Variants in TMED10 observed in about 807,000 individuals in gnomAD.
TMED10 encodes the protein transmembrane emp24 domain-containing protein 10.
In TMED10, 7 loss-of-function variants were observed where a neutral mutation model predicts 23.1. The ratio of observed to expected loss-of-function variants is 0.30; its 90% CI spans 0.17 to 0.57. The LOEUF is 0.57. TMED10 is among the 20% of genes least tolerant of loss of function. The probability of loss-of-function intolerance (pLI) is 0.91; values close to 1 mark genes in which losing one functional copy is unlikely to be tolerated. For missense variants in TMED10, 162 were observed against 274.8 expected (o/e 0.59, Z 2.90); for synonymous variants, 113 against 106.9 (o/e 1.06, Z -0.35).
In TMED10 at chr14:75,132,141, A is replaced by C. The variant is rs555056640; in HGVS notation, c.*2744T>G. On this transcript the variant is annotated 3_prime_UTR_variant, in exon 5 of 5. Coordinates refer to ENST00000303575, the MANE Select transcript of TMED10 (RefSeq NM_006827.6). ...GGTGGCTCACGCGTGTAATCCCAGC[A>C]CTTTGGGAGGCTGAGGCAGGCAGAT... The C allele has an allele frequency of 6.6e-6, 1 of 152,460 alleles. No homozygotes were observed. The highest frequency in any genetic ancestry group is 1.9e-4 in the East Asian group (1 of 5,186). 9.4% of individuals were successfully genotyped at this position (152,460 alleles called of 1,614,324 possible).
intron 2 of TMED10, among the ~76,000 whole-genome samples, chr14:75,148,086 C>G (rs899819084): frequency 6.6e-5 from 10 of 151,950 alleles, no homozygotes; most frequent in African/African-American, 2.2e-4. Context: ...ACTCAAAAAT[C>G]AAAACAGTGT....
At chr14:75,167,803 C>T (rs141258649) in intron 1 of TMED10, among the ~76,000 whole-genome samples, 64 of 152,166 alleles carry the variant, frequency 4.2e-4, no homozygotes, top group African/African-American at 1.4e-3. Flanking sequence ...TATGATCATG[C>T]CACTGCACTC....
chr14:75,135,696 T>G, intron 4 of TMED10, 64 bp downstream of exon 4: 1 of 1,584,734 alleles, frequency 6.3e-7, no homozygotes, highest in Admixed American at 1.9e-5. Flanking sequence ...ACACCAGAAT[T>G]GAAAGTTTGG....
chr14:75,148,878 T>A (rs778275534), intron 2 of TMED10, among the ~76,000 whole-genome samples: 22 of 152,190 alleles, frequency 1.4e-4, no homozygotes, highest in Non-Finnish European at 2.5e-4. Context: ...AATGCAACAG[T>A]GTTGAGAGGT....
At position 75,165,006 on chromosome 14, in the gene TMED10, TTAA is replaced by T. The variant is rs746715904; in HGVS notation, c.225+11346_225+11348del. 4.6e-5 allele frequency among the ~76,000 whole-genome samples: 7 copies of T among 152,184 alleles called. No individual in the cohort carries two copies. In the East Asian group the frequency reaches 1.2e-3, roughly 25 times the overall value. ...GCTTTTCCTGTATGTGGTTTTTAAC[TTAA>T]TAAGGAATAAACTACATGAAGAATC... On this transcript the variant is annotated intron_variant, in intron 1 of 4. Transcript: ENST00000303575.
intron 1 of TMED10, among the ~76,000 whole-genome samples, chr14:75,172,586 G>T (rs1046790393): frequency 6.6e-6 from 1 of 152,136 alleles, no homozygotes; most frequent in East Asian, 1.9e-4. Flanking sequence ...GGGATTACAG[G>T]CATGAGCCAC....
intron 1 of TMED10, among the ~76,000 whole-genome samples, chr14:75,161,998 G>C (rs73311681): frequency 0.018 from 2,690 of 148,784 alleles, 85 homozygotes; most frequent in African/African-American, 0.064. Flanking sequence ...AGTAAGAAGT[G>C]CTCAAAAACA....
intron 1 of TMED10, among the ~76,000 whole-genome samples, chr14:75,153,995 C>A (rs1432455675): frequency 6.6e-6 from 1 of 150,990 alleles, no homozygotes; most frequent in African/African-American, 2.4e-5. Context: ...TGGTCTCGAT[C>A]TCCTGACCTC....
At chr14:75,168,892 T>A (rs976920553) in intron 1 of TMED10, among the ~76,000 whole-genome samples, 17 of 152,210 alleles carry the variant, frequency 1.1e-4, no homozygotes, top group African/African-American at 4.1e-4. Flanking sequence ...TACTACAGTA[T>A]CTTTTCATAC....
At position 75,141,673 on chromosome 14, in the gene TMED10, A is replaced by G. The variant is rs111956337; in HGVS notation, c.412-5787T>C. Among the ~76,000 whole-genome samples, 957 of 152,324 alleles carry G rather than the reference A, an allele frequency of 6.3e-3. 8 individuals carry two copies. The highest frequency in any genetic ancestry group is 0.022 in the African/African-American group (919 of 41,560). ...GCAGTTGGCATTAGAATCCAAGTCT[A>G]TGTGAGTTTATTCTGTAAGTACTAG... is the stretch of plus-strand genomic sequence containing the variant. On this transcript the variant is annotated intron_variant, in intron 3 of 4. Coordinates refer to ENST00000303575, the MANE Select transcript of TMED10 (RefSeq NM_006827.6).
chr14:75,135,734 G>A, intron 4 of TMED10, 26 bp downstream of exon 4: 1 of 1,609,866 alleles, frequency 6.2e-7, no homozygotes, highest in Non-Finnish European at 8.5e-7. Flanking sequence ...GGTCACTTAA[G>A]AAGTAAGAGT....
chr14:75,138,824 T>TTA (rs556118823), intron 3 of TMED10, among the ~76,000 whole-genome samples: 2,924 of 113,958 alleles, frequency 0.026, 72 homozygotes, highest in South Asian at 0.059. Context: ...TTTTTTTTTT[T>TTA]TTTTTTTTAT....
At position 75,144,848 on chromosome 14, in the gene TMED10, G is replaced by A. The variant is rs910435480; in HGVS notation, c.411+2816C>T. On this transcript the variant is annotated intron_variant, in intron 3 of 4. Coordinates refer to ENST00000303575, the MANE Select transcript of TMED10 (RefSeq NM_006827.6). ...AATTTTTGTATTTTTAGTAGAGATG[G>A]GGTTTTCGCCAGGTTGGCCAGGCTG... Among the ~76,000 whole-genome samples the A allele has an allele frequency of 2.0e-4, 31 of 152,304 alleles. 1 individual carries two copies. Among genetic ancestry groups the A allele is most frequent in the African/African-American group, 7.5e-4 (31 of 41,568 alleles).
At chr14:75,164,754 A>G (rs1896140453) in intron 1 of TMED10, among the ~76,000 whole-genome samples, 1 of 146,656 alleles carries the variant, frequency 6.8e-6, no homozygotes, top group Admixed American at 7.2e-5. Flanking sequence ...TAAGAGTACT[A>G]ATGGATGGCA....
chr14:75,165,517 T>C (rs1896149507), intron 1 of TMED10, among the ~76,000 whole-genome samples: 1 of 152,160 alleles, frequency 6.6e-6, no homozygotes, highest in Non-Finnish European at 1.5e-5. Context: ...TGAGCCACCA[T>C]GCCCAGCCTC....
chr14:75,144,984 T>C (rs922387693), intron 3 of TMED10, among the ~76,000 whole-genome samples: 5 of 152,108 alleles, frequency 3.3e-5, no homozygotes, highest in African/African-American at 1.2e-4. Context: ...CTAAGCAAGG[T>C]TCAAGGCAGC....
intron 1 of TMED10, among the ~76,000 whole-genome samples, chr14:75,157,242 A>G (rs1896030869): frequency 6.6e-6 from 1 of 152,232 alleles, no homozygotes; most frequent in East Asian, 1.9e-4. Context: ...GAATCATGCT[A>G]TATACTTTAC....
In TMED10 at chr14:75,141,406, G is replaced by T. The variant is rs79709334; in HGVS notation, c.412-5520C>A. 3.9e-3 allele frequency among the ~76,000 whole-genome samples: 588 copies of T among 152,188 alleles called. 4 individuals carry two copies. The highest frequency in any genetic ancestry group is 0.014 in the African/African-American group (572 of 41,542). On this transcript the variant is annotated intron_variant, in intron 3 of 4. Coordinates refer to ENST00000303575, the MANE Select transcript of TMED10 (RefSeq NM_006827.6). ...CTGCCACACACTTGTGCTTGGGGAG[G>T]GTAGGGGATAATAGCAAATAAAAGG... is the stretch of plus-strand genomic sequence containing the variant.
At chr14:75,172,995 C>A (rs1184386984) in intron 1 of TMED10, among the ~76,000 whole-genome samples, 1 of 152,068 alleles carries the variant, frequency 6.6e-6, no homozygotes, top group South Asian at 2.1e-4. Flanking sequence ...TCGGGTGGGC[C>A]GGGAGCTCCC....
Sources: allele counts gnomAD v4.1 joint callset (sites outside exome capture counted in the v4.1 genomes callset), GRCh38; gene constraint gnomAD v4.1.1; transcripts MANE v1.5; gene names NCBI Gene and HGNC (gene_info 2026-07-23, HGNC 2026-07-21).